The following TRIP4 variants were observed in gnomAD, a reference collection of about 807,000 sequenced individuals.
TRIP4 encodes the protein thyroid hormone receptor interactor 4, also known as activating signal cointegrator 1.
Under a neutral mutation model 81.8 loss-of-function variants are expected in TRIP4, and 54 were observed. The observed-to-expected ratio is 0.66, with a 90% confidence interval of 0.53 to 0.83. The LOEUF (loss-of-function observed/expected upper bound fraction) is 0.83, where lower values mean the gene tolerates loss of function less well. TRIP4 is among the 40% of genes least tolerant of loss of function. The pLI is 0.00. For missense variants in TRIP4, 662 were observed against 683.6 expected, an observed-to-expected ratio of 0.97 and a Z score of 0.35; for synonymous variants, 270 against 242.8, an observed-to-expected ratio of 1.11 and a Z score of -1.04.
chr15:64,399,034 C>A (rs1900380795), intron 4 of TRIP4, among the ~76,000 whole-genome samples: 1 of 142,636 alleles, frequency 7.0e-6, no homozygotes, highest in Non-Finnish European at 1.5e-5. Flanking sequence ...ACTGCAACCT[C>A]TGCCTCCTGG....
intron 5 of TRIP4, among the ~76,000 whole-genome samples, chr15:64,401,431 A>G (rs922714654): frequency 2.0e-5 from 3 of 152,018 alleles, no homozygotes; most frequent in African/African-American, 7.2e-5. Context: ...CACCACGCCC[A>G]GCCAATATTT....
chr15:64,409,532 G>T, intron 6 of TRIP4, 81 bp from the exon 7 acceptor site: 5 of 1,349,688 alleles, frequency 3.7e-6, no homozygotes, highest in Non-Finnish European at 5.2e-6. Flanking sequence ...GAGATATTAA[G>T]TTACCTTGAA....
At chr15:64,429,075 G>A (rs1892212976) in intron 11 of TRIP4, among the ~76,000 whole-genome samples, 1 of 152,054 alleles carries the variant, frequency 6.6e-6, no homozygotes, top group Admixed American at 6.6e-5. Flanking sequence ...AGCACTTTGG[G>A]AGGCCGAGGC....
At chr15:64,450,992 C>T (rs922512163) in intron 12 of TRIP4, 5 of 205,016 alleles carry the variant, frequency 2.4e-5, no homozygotes, top group African/African-American at 1.1e-4. Context: ...AAAGACTTGC[C>T]TGGGGTTATA....
intron 11 of TRIP4, among the ~76,000 whole-genome samples, chr15:64,440,480 C>G (rs1231409362): frequency 6.9e-6 from 1 of 145,658 alleles, no homozygotes; most frequent in East Asian, 2.0e-4. Context: ...TTTGGAGGTA[C>G]TGAGGCTCTG....
intron 4 of TRIP4, among the ~76,000 whole-genome samples, chr15:64,399,054 A>G (rs1412250223): frequency 2.0e-5 from 3 of 146,462 alleles, no homozygotes; most frequent in Non-Finnish European, 3.0e-5. Context: ...GGTTCAAGCA[A>G]TTCTCCTGTC....
chr15:64,449,290 G>GTTT (rs568955135), intron 12 of TRIP4, among the ~76,000 whole-genome samples: 1 of 137,586 alleles, frequency 7.3e-6, no homozygotes, highest in Non-Finnish European at 1.6e-5. Flanking sequence ...GTTTGTTTTT[G>GTTT]TTTTTTTTTT....
chr15:64,428,846 A>G (rs1349829259), intron 11 of TRIP4, among the ~76,000 whole-genome samples: 1 of 151,856 alleles, frequency 6.6e-6, no homozygotes, highest in African/African-American at 2.4e-5. Flanking sequence ...TCCTGACATC[A>G]GGTGATACAC....
In TRIP4 at chr15:64,418,535, G is replaced by A. The variant is rs776294641; in HGVS notation, c.1171-6G>A. 12 of 1,604,706 alleles carry A rather than the reference G, an allele frequency of 7.5e-6. No homozygotes were observed. The highest frequency in any genetic ancestry group is 1.3e-5 in the African/African-American group (1 of 74,654). ...GATAGAACTGTATGTTTGTTTTTCT[G>A]TGTAGTGGGTTGACCACACAGGTGC... is the stretch of plus-strand genomic sequence containing the variant. On this transcript the variant is annotated splice_polypyrimidine_tract_variant and splice_region_variant and intron_variant, in intron 8 of 12. Coordinates refer to ENST00000261884, the MANE Select transcript of TRIP4 (RefSeq NM_016213.5).
intron 8 of TRIP4, among the ~76,000 whole-genome samples, chr15:64,414,512 CTTTTTT>C (rs869202504): frequency 2.3e-5 from 2 of 87,024 alleles, no homozygotes; most frequent in African/African-American, 8.7e-5. Context: ...TGCTCTTTCT[CTTTTTT>C]TTTTTTTTTT....
intron 11 of TRIP4, among the ~76,000 whole-genome samples, chr15:64,429,575 G>C (rs1892224905): frequency 6.6e-6 from 1 of 152,110 alleles, no homozygotes; most frequent in Non-Finnish European, 1.5e-5. Flanking sequence ...TCTATGAGGT[G>C]GATATAACAT....
chr15:64,397,878 C>G, intron 4 of TRIP4, 60 bp downstream of exon 4: 1 of 1,535,744 alleles, frequency 6.5e-7, no homozygotes, highest in South Asian at 1.2e-5. Flanking sequence ...CAGAGCCAGT[C>G]AGATCTCAAG....
intron 6 of TRIP4, among the ~76,000 whole-genome samples, chr15:64,407,683 TAATAGA>T (rs958760785): frequency 5.3e-5 from 8 of 151,498 alleles, no homozygotes; most frequent in African/African-American, 9.7e-5. Context: ...AAAATAATAA[TAATAGA>T]AATAGAATGC....
chr15:64,428,428 A>G (rs1040854727), intron 11 of TRIP4, among the ~76,000 whole-genome samples: 1 of 152,196 alleles, frequency 6.6e-6, no homozygotes, highest in Non-Finnish European at 1.5e-5. Context: ...TGCTTTGAAC[A>G]GCATGTAGAA....
At chr15:64,425,804 C>T (rs984036918) in intron 11 of TRIP4, among the ~76,000 whole-genome samples, 173 bp downstream of exon 11, 3 of 152,132 alleles carry the variant, frequency 2.0e-5, no homozygotes, top group African/African-American at 7.2e-5. Flanking sequence ...GTTTCCAGGC[C>T]GGGCGCTGGT....
rs1900332652 is a variant in TRIP4, at chr15:64,397,660, A to G, written c.460A>G (p.Thr154Ala). 2.5e-6 allele frequency: 4 copies of G among 1,614,194 alleles called. No homozygotes were observed. The highest frequency in any genetic ancestry group is 3.4e-6 in the Non-Finnish European group (4 of 1,180,018). ...KKKTKFVNLYTREGQDRLAVL... is the reference protein window; with the variant it reads ...KKKTKFVNLYAREGQDRLAVL... Reference sequence around the variant, plus strand: ...GAAGACAAAGTTTGTCAATTTATACACAAGAGAGGGACAGGACAGGCTTGC... The same window carrying G: ...GAAGACAAAGTTTGTCAATTTATACGCAAGAGAGGGACAGGACAGGCTTGC... Residue 154 changes from threonine to alanine, a missense_variant, in exon 4 of 13, where the codon ACA becomes GCA. By Grantham distance (58) the Thr-to-Ala change is moderately conservative. Transcript: ENST00000261884.
intron 11 of TRIP4, among the ~76,000 whole-genome samples, chr15:64,431,710 TA>T (rs1301674324): frequency 1.9e-4 from 27 of 139,362 alleles, no homozygotes; most frequent in Admixed American, 5.8e-4. Flanking sequence ...CATCTCAAAT[TA>T]AAAAAAAAAA....
chr15:64,439,338 C>T (rs990841909), intron 11 of TRIP4, among the ~76,000 whole-genome samples: 10 of 152,200 alleles, frequency 6.6e-5, no homozygotes, highest in African/African-American at 2.4e-4. Flanking sequence ...ATTATCACCT[C>T]AGTCTTCTTG....
intron 12 of TRIP4, among the ~76,000 whole-genome samples, chr15:64,448,610 C>T (rs563563520): frequency 3.4e-4 from 51 of 152,062 alleles, no homozygotes; most frequent in African/African-American, 1.2e-3. Context: ...ACCACAGGCA[C>T]GCGCCTCCAT....
Sources: gnomAD v4.1 joint callset for allele counts (sites outside exome capture counted in the v4.1 genomes callset) on GRCh38, gnomAD v4.1.1 for gene constraint, MANE v1.5 for transcripts, NCBI Gene and HGNC (gene_info 2026-07-23, HGNC 2026-07-21) for gene names.